Variants in GABRG1 observed in about 807,000 individuals in gnomAD.
GABRG1 encodes gamma-aminobutyric acid type A receptor subunit gamma1, also known as gamma-aminobutyric acid receptor subunit gamma-1.
Under a neutral mutation model 49.8 loss-of-function variants are expected in GABRG1, and 49 were observed. The ratio of observed to expected loss-of-function variants is 0.98; its 90% CI spans 0.78 to 1.25. The LOEUF is 1.25. GABRG1 is among the 50% of genes most tolerant of loss of function. The pLI, the probability that GABRG1 is intolerant of heterozygous loss-of-function variation, is 0.00. For synonymous variants in GABRG1, 232 were observed against 185.1 expected, an observed-to-expected ratio of 1.25 and a Z score of -2.06; for missense variants, 552 against 552.3, an observed-to-expected ratio of 1.00 and a Z score of 0.01.
At chr4:46,056,443 T>C (rs1391760167) in intron 7 of GABRG1, among the ~76,000 whole-genome samples, 1 of 151,950 alleles carries the variant, frequency 6.6e-6, no homozygotes, top group African/African-American at 2.4e-5. Context: ...GGGTCACTGC[T>C]CAAATGCCAC....
Position 46,041,274 on chromosome 4 carries a change from A to C in GABRG1, c.1132-20T>G. On this transcript the variant is annotated intron_variant, in intron 8 of 8. Coordinates refer to ENST00000295452, the MANE Select transcript of GABRG1 (RefSeq NM_173536.4). The stretch of plus-strand genomic sequence containing the variant: ...AGTCATCTGAGCACAATAATAAATG[A>C]ATTTTTGACATCAAAAAAGTAGCAT... 6.2e-7 allele frequency: 1 copy of C among 1,603,222 alleles called. No homozygotes were observed.
chr4:46,058,227 T>C lies in GABRG1; in HGVS notation c.906A>G (p.Arg302=). The C allele has an allele frequency of 6.2e-7, 1 of 1,610,984 alleles. No homozygotes were observed. The part of the protein sequence containing the change: ...FWINKDAVPA[R]TSLGITTVLT... ...TATTACATGTCATACCCAACGATGT[T>C]CTTGCAGGCACTGCATCTTTATTGA... Residue 302 remains arginine (R), a synonymous_variant, in exon 7 of 9, where the codon AGA becomes AGG. Transcript: ENST00000295452.
rs1251513187 is a variant in GABRG1 at position 46,039,534 on chromosome 4, T to G, written c.*1454A>C. On this transcript the variant is annotated 3_prime_UTR_variant, in exon 9 of 9. Coordinates refer to ENST00000295452, the MANE Select transcript of GABRG1 (RefSeq NM_173536.4). ...CCTTAAGTAAGATAGGCTGTGATCATAAAACTCTTCATCATGGTCATTGGT... is the reference window on the plus strand; with the variant it reads ...CCTTAAGTAAGATAGGCTGTGATCAGAAAACTCTTCATCATGGTCATTGGT... 1 of 151,670 alleles carries G rather than the reference T, an allele frequency of 6.6e-6. No individual in the cohort carries two copies. The highest frequency in any genetic ancestry group is 2.4e-5 in the African/African-American group (1 of 41,398). The allele number at this position is 151,670 out of a possible 1,614,324, so 9.4% of individuals were successfully genotyped here.
rs1435027426 is a variant in GABRG1 at position 46,124,006 on chromosome 4, G to A, written c.-93C>T. On this transcript the variant is annotated 5_prime_UTR_variant, in exon 1 of 9. Transcript: ENST00000295452. ...AGCAGCAGCTGGCTGAGTACAGAAG[G>A]GAGAGTGTGGAAAGGCAGTGCACCT... 4 of 905,666 alleles carry A rather than the reference G, an allele frequency of 4.4e-6. No individual in the cohort carries two copies. The Admixed American group carries it at 8.6e-5, about 19-fold the overall frequency. 56.1% of individuals were successfully genotyped at this position (905,666 alleles called of 1,614,324 possible).
intron 2 of GABRG1, among the ~76,000 whole-genome samples, chr4:46,089,427 C>G (rs760728748): frequency 2.0e-5 from 3 of 151,986 alleles, no homozygotes; most frequent in Non-Finnish European, 2.9e-5. Flanking sequence ...TATATCTCCC[C>G]CATGTCCCCA....
intron 1 of GABRG1, among the ~76,000 whole-genome samples, chr4:46,120,229 C>T (rs1721054885): frequency 6.6e-6 from 1 of 151,638 alleles, no homozygotes; most frequent in African/African-American, 2.4e-5. Context: ...TCATGGAAGT[C>T]ATTTATCATA....
intron 8 of GABRG1, among the ~76,000 whole-genome samples, chr4:46,043,872 C>T (rs535189474): frequency 1.1e-3 from 166 of 151,698 alleles, no homozygotes; most frequent in African/African-American, 3.8e-3. Context: ...ATATTTTAAG[C>T]ACCAAAATAT....
chr4:46,097,146 C>G, intron 2 of GABRG1, 55 bp downstream of exon 2: 5 of 1,381,200 alleles, frequency 3.6e-6, no homozygotes, highest in Non-Finnish European at 4.9e-6. Flanking sequence ...AAAATAGTAC[C>G]AGTAATGATA....
chr4:46,097,474 A>C lies in GABRG1; in HGVS notation c.105-125T>G, dbSNP rs1490803349. 3 of 845,410 alleles carry C rather than the reference A, an allele frequency of 3.5e-6. No individual in the cohort carries two copies. In the Admixed American group the frequency reaches 9.6e-5, roughly 27 times the overall value. 52.4% of individuals were successfully genotyped at this position (845,410 alleles called of 1,614,324 possible). On this transcript the variant is annotated intron_variant, in intron 1 of 8. Coordinates refer to ENST00000295452, the MANE Select transcript of GABRG1 (RefSeq NM_173536.4). ...TGGCAGACAAAAAGGTATTACACTA[A>C]CATTACATTTAGTAAGACCAATACA...
intron 5 of GABRG1, among the ~76,000 whole-genome samples, chr4:46,062,009 A>G (rs1473799532): frequency 1.4e-5 from 2 of 141,872 alleles, no homozygotes; most frequent in East Asian, 4.4e-4. Flanking sequence ...TATATCTCCT[A>G]ATGCTATCCC....
intron 2 of GABRG1, among the ~76,000 whole-genome samples, chr4:46,090,024 G>A (rs561873118): frequency 6.6e-6 from 1 of 152,070 alleles, no homozygotes; most frequent in South Asian, 2.1e-4. Context: ...TTAACTGGAT[G>A]AACAAAACCT....
intron 8 of GABRG1, among the ~76,000 whole-genome samples, chr4:46,043,861 T>C (rs567884430): frequency 6.6e-6 from 1 of 152,080 alleles, no homozygotes; most frequent in South Asian, 2.1e-4. Flanking sequence ...ACTAATAAAA[T>C]ATATTTTAAG....
chr4:46,044,138 G>A (rs1180470693), intron 8 of GABRG1, among the ~76,000 whole-genome samples: 1 of 151,952 alleles, frequency 6.6e-6, no homozygotes. Context: ...TTTAAGTTGG[G>A]ATGTTCAAAA....
intron 2 of GABRG1, among the ~76,000 whole-genome samples, chr4:46,089,311 C>G (rs1719894844): frequency 6.6e-6 from 1 of 152,064 alleles, no homozygotes; most frequent in African/African-American, 2.4e-5. Context: ...ATACGTCAAG[C>G]CTTTAACTTA....
chr4:46,105,727 T>C (rs1720510387), intron 1 of GABRG1, among the ~76,000 whole-genome samples: 1 of 149,194 alleles, frequency 6.7e-6, no homozygotes, highest in African/African-American at 2.5e-5. Context: ...TTTCTAAAAT[T>C]ACTTACCTGT....
At chr4:46,090,536 T>G (rs558191613) in intron 2 of GABRG1, among the ~76,000 whole-genome samples, 26 of 152,124 alleles carry the variant, frequency 1.7e-4, no homozygotes, top group South Asian at 6.2e-4. Context: ...TCTCTATATA[T>G]AGAGAAAACA....
chr4:46,078,900 GT>G (rs1417230606), intron 3 of GABRG1, among the ~76,000 whole-genome samples: 2 of 151,768 alleles, frequency 1.3e-5, no homozygotes, highest in Non-Finnish European at 2.9e-5. Flanking sequence ...ATTTTTTCTA[GT>G]TTTTTATGGG....
chr4:46,063,519 C>A (rs1718792338), intron 5 of GABRG1, among the ~76,000 whole-genome samples: 1 of 152,064 alleles, frequency 6.6e-6, no homozygotes, highest in Non-Finnish European at 1.5e-5. Flanking sequence ...TTCCTTATAC[C>A]TTATACAAAA....
chr4:46,038,979 T>C lies in GABRG1; in HGVS notation c.*2009A>G, dbSNP rs751039388. On this transcript the variant is annotated 3_prime_UTR_variant, in exon 9 of 9. Coordinates refer to ENST00000295452, the MANE Select transcript of GABRG1 (RefSeq NM_173536.4). ...TTTATATCAAGCACTTTTAAGTATT[T>C]TAAAATACAGTCATGCTCAGATACA... 7.9e-5 allele frequency: 12 copies of C among 151,708 alleles called. No individual in the cohort carries two copies. The highest frequency in any genetic ancestry group is 7.9e-4 in the Admixed American group (12 of 15,198). The allele number at this position is 151,708 out of a possible 1,614,324, so 9.4% of individuals were successfully genotyped here.
Sources: allele counts gnomAD v4.1 joint callset (sites outside exome capture counted in the v4.1 genomes callset), GRCh38; gene constraint gnomAD v4.1.1; transcripts MANE v1.5; gene names NCBI Gene and HGNC (gene_info 2026-07-23, HGNC 2026-07-21).